Variants in VPS13A observed in about 807,000 individuals in gnomAD.
The protein encoded by VPS13A is vacuolar protein sorting 13 homolog A.
In VPS13A, 264 loss-of-function variants were observed where a neutral mutation model predicts 390.9. The ratio of observed to expected loss-of-function variants is 0.68; its 90% CI spans 0.61 to 0.75. The LOEUF is 0.75. Ranked by LOEUF, VPS13A falls within the 30% of genes least tolerant of loss-of-function variation. The pLI, the probability that VPS13A is intolerant of heterozygous loss-of-function variation, is 0.00. For missense variants in VPS13A, 3,409 were observed against 3,733.9 expected, an observed-to-expected ratio of 0.91 and a Z score of 2.27; for synonymous variants, 1,231 against 1,227.1, an observed-to-expected ratio of 1.00 and a Z score of -0.07.
intron 1 of VPS13A, 21 bp from the exon 2 acceptor site, chr9:77,199,923 TC>T (rs1167465713): frequency 6.3e-7 from 1 of 1,584,532 alleles, no homozygotes; most frequent in African/African-American, 1.4e-5. Flanking sequence ...ATTGTTTGAA[TC>T]TTTTTTTTAA....
chr9:77,178,604 A>G (rs1382006783), intron 1 of VPS13A, among the ~76,000 whole-genome samples: 2 of 152,204 alleles, frequency 1.3e-5, no homozygotes, highest in East Asian at 3.8e-4. Flanking sequence ...ACCGGGCTGA[A>G]CAGGGCCCTA....
chr9:77,214,505 A>G (rs1822743770), intron 10 of VPS13A, 119 bp downstream of exon 10: 7 of 719,670 alleles, frequency 9.7e-6, no homozygotes, highest in African/African-American at 3.6e-5. Flanking sequence ...AGTTAAATGT[A>G]TTTATAATGT....
intron 23 of VPS13A, among the ~76,000 whole-genome samples, chr9:77,270,105 A>C (rs1325803383): frequency 2.0e-5 from 3 of 152,182 alleles, no homozygotes; most frequent in Non-Finnish European, 4.4e-5. Context: ...GCAATCTCAT[A>C]TACGTTTTGG....
intron 22 of VPS13A, among the ~76,000 whole-genome samples, chr9:77,253,383 G>A (rs1825252065): frequency 6.6e-6 from 1 of 152,150 alleles, no homozygotes; most frequent in African/African-American, 2.4e-5. Flanking sequence ...TTGGCTCACT[G>A]CTACCTCCAC....
At chr9:77,312,015 G>A (rs1587553732) in intron 35 of VPS13A, among the ~76,000 whole-genome samples, 1 of 152,112 alleles carries the variant, frequency 6.6e-6, no homozygotes, top group East Asian at 1.9e-4. Flanking sequence ...AAACAGTGGT[G>A]AAAGAAATTT....
rs778416510 is a variant in VPS13A at position 77,295,174 on chromosome 9, T to C, written c.3508-368T>C. 6.4e-4 allele frequency among the ~76,000 whole-genome samples: 97 copies of C among 152,032 alleles called. 1 individual carries two copies. The highest frequency in any genetic ancestry group is 1.3e-3 in the Non-Finnish European group (91 of 67,994). On this transcript the variant is annotated intron_variant, in intron 32 of 71. Transcript: ENST00000360280. ...ATTATTTTGAAACTTCTTAAACATATTTTATTTATTTATTTACCTTACAAA... is the reference window on the plus strand; with the variant it reads ...ATTATTTTGAAACTTCTTAAACATACTTTATTTATTTATTTACCTTACAAA...
intron 13 of VPS13A, among the ~76,000 whole-genome samples, chr9:77,224,043 G>T (rs1208883364): frequency 1.3e-5 from 2 of 152,156 alleles, no homozygotes; most frequent in Non-Finnish European, 2.9e-5. Context: ...CTCTGGCTAT[G>T]CTCTATACAC....
chr9:77,287,101 T>C (rs1182697491), intron 31 of VPS13A, among the ~76,000 whole-genome samples: 2 of 149,412 alleles, frequency 1.3e-5, no homozygotes, highest in East Asian at 3.9e-4. Flanking sequence ...TTTATATAAT[T>C]ATATAGATAC....
chr9:77,255,668 T>A (rs1368996210), intron 22 of VPS13A, among the ~76,000 whole-genome samples: 1 of 152,106 alleles, frequency 6.6e-6, no homozygotes, highest in Admixed American at 6.5e-5. Context: ...TGGGAGGTTT[T>A]TGATTACTGA....
At chr9:77,413,069 C>A (rs1676409015) in intron 71 of VPS13A, among the ~76,000 whole-genome samples, 1 of 152,292 alleles carries the variant, frequency 6.6e-6, no homozygotes, top group African/African-American at 2.4e-5. Context: ...AGGAGAACTA[C>A]AAACCACTGC....
chr9:77,204,286 A>G (rs1300968808), intron 3 of VPS13A, among the ~76,000 whole-genome samples: 1 of 151,052 alleles, frequency 6.6e-6, no homozygotes, highest in African/African-American at 2.4e-5. Context: ...AAAATATTTT[A>G]AAACTCTCTA....
chr9:77,214,490 T>C (rs1822741749), intron 10 of VPS13A, 104 bp downstream of exon 10: 2 of 859,026 alleles, frequency 2.3e-6, no homozygotes. Flanking sequence ...AATTTCCTTC[T>C]ATATAGTTAA....
intron 1 of VPS13A, among the ~76,000 whole-genome samples, chr9:77,184,831 T>A (rs547262321): frequency 6.6e-6 from 1 of 152,228 alleles, no homozygotes; most frequent in African/African-American, 2.4e-5. Context: ...GGGGTTTAGT[T>A]CCAAGACCTG....
chr9:77,279,666 C>T (rs1306025441), intron 26 of VPS13A, among the ~76,000 whole-genome samples: 1 of 152,090 alleles, frequency 6.6e-6, no homozygotes, highest in African/African-American at 2.4e-5. Context: ...ATCAGTATAA[C>T]TAATAAAGAC....
At chr9:77,415,204 C>A (rs989628286) in intron 71 of VPS13A, among the ~76,000 whole-genome samples, 1 of 152,184 alleles carries the variant, frequency 6.6e-6, no homozygotes, top group Non-Finnish European at 1.5e-5. Flanking sequence ...ATAAAGTTTT[C>A]TTTTAATTCC....
chr9:77,227,732 G>A (rs1232922604), intron 16 of VPS13A, among the ~76,000 whole-genome samples: 3 of 148,646 alleles, frequency 2.0e-5, no homozygotes, highest in African/African-American at 5.0e-5. Context: ...ATGGGGTTTC[G>A]CCATGTTGCT....
At position 77,250,564 on chromosome 9, in the gene VPS13A, C is replaced by A. The variant is rs543509103; in HGVS notation, c.2170+335C>A. Among the ~76,000 whole-genome samples the A allele has an allele frequency of 1.4e-3, 215 of 152,242 alleles. 1 individual carries two copies. The highest frequency in any genetic ancestry group is 5.0e-3 in the African/African-American group (208 of 41,538). ...ATCAGTAGTGCTGAGGTCGAGAAATCCTGATCTGTACCAATGTTTTCCAGC... is the reference window on the plus strand; with the variant it reads ...ATCAGTAGTGCTGAGGTCGAGAAATACTGATCTGTACCAATGTTTTCCAGC... On this transcript the variant is annotated intron_variant, in intron 21 of 71. Transcript: ENST00000360280.
intron 46 of VPS13A, among the ~76,000 whole-genome samples, chr9:77,333,215 C>A (rs1201702115): frequency 6.6e-6 from 1 of 152,034 alleles, no homozygotes; most frequent in Non-Finnish European, 1.5e-5. Context: ...TAATACATTT[C>A]TGCTATATAT....
chr9:77,324,383 T>C lies in VPS13A; in HGVS notation c.5991+1156T>C, dbSNP rs115289750. On this transcript the variant is annotated intron_variant, in intron 45 of 71. Transcript: ENST00000360280. ...TTTCACCTTTAAACATGATTTGTGT[T>C]GTTTTGTAGATGCCTTTTCTTAGGT... Among the ~76,000 whole-genome samples the C allele has an allele frequency of 8.6e-3, 1,308 of 152,336 alleles. 23 individuals carry two copies. The highest frequency in any genetic ancestry group is 0.03 in the African/African-American group (1,258 of 41,588).
Sources: allele counts gnomAD v4.1 joint callset (sites outside exome capture counted in the v4.1 genomes callset), GRCh38; gene constraint gnomAD v4.1.1; transcripts MANE v1.5; gene names NCBI Gene and HGNC (gene_info 2026-07-23, HGNC 2026-07-21).